The following ITFG1 variants were observed in gnomAD, a reference collection of about 807,000 sequenced individuals.
ITFG1 encodes the protein integrin alpha FG-GAP repeat containing 1.
In ITFG1, 34 loss-of-function variants were observed where a neutral mutation model predicts 81.8. That is an observed-to-expected ratio of 0.42 (90% CI 0.32 to 0.55). The LOEUF is 0.55. Ranked by LOEUF, ITFG1 falls within the 20% of genes least tolerant of loss-of-function variation. ITFG1 has a pLI of 0.17. For missense variants in ITFG1, 672 were observed against 755.4 expected, an observed-to-expected ratio of 0.89 and a Z score of 1.29; for synonymous variants, 285 against 270.6, an observed-to-expected ratio of 1.05 and a Z score of -0.52.
chr16:47,457,514 G>C (rs1276295095), intron 2 of ITFG1, among the ~76,000 whole-genome samples: 1 of 151,956 alleles, frequency 6.6e-6, no homozygotes, highest in Non-Finnish European at 1.5e-5. Context: ...AAGAAAATTA[G>C]TGTAAAATTT....
intron 8 of ITFG1, among the ~76,000 whole-genome samples, chr16:47,350,327 A>G (rs1359900384): frequency 6.6e-6 from 1 of 152,178 alleles, no homozygotes; most frequent in Non-Finnish European, 1.5e-5. Flanking sequence ...CAAGACTAAT[A>G]AAGAAGAAAA....
intron 6 of ITFG1, 91 bp downstream of exon 6, chr16:47,428,713 T>C: frequency 1.2e-6 from 1 of 805,288 alleles, no homozygotes; most frequent in Non-Finnish European, 2.1e-6. Context: ...CAACATTTAC[T>C]TCATTAGCAA....
chr16:47,195,957 A>G (rs759289337), intron 14 of ITFG1, among the ~76,000 whole-genome samples: 33 of 152,002 alleles, frequency 2.2e-4, no homozygotes, highest in Non-Finnish European at 1.5e-4. Context: ...TTATGAGTGT[A>G]TTTCTCCCTC....
chr16:47,333,282 C>T (rs897478845), intron 8 of ITFG1, among the ~76,000 whole-genome samples: 1 of 152,038 alleles, frequency 6.6e-6, no homozygotes, highest in Non-Finnish European at 1.5e-5. Flanking sequence ...ATTAATCACC[C>T]AAGGAAAAAG....
intron 7 of ITFG1, 66 bp from the exon 8 acceptor site, chr16:47,365,935 A>C (rs1314952294): frequency 1.2e-6 from 1 of 856,092 alleles, no homozygotes; most frequent in African/African-American, 1.7e-5. Context: ...TGTAAAACAA[A>C]GCATTCTAAC....
At chr16:47,362,015 A>G (rs879310473) in intron 8 of ITFG1, among the ~76,000 whole-genome samples, 10 of 152,110 alleles carry the variant, frequency 6.6e-5, no homozygotes, top group Non-Finnish European at 1.5e-4. Context: ...GATTAATGTG[A>G]TAACTTTAAA....
intron 10 of ITFG1, among the ~76,000 whole-genome samples, chr16:47,265,203 C>T (rs1167586113): frequency 2.0e-5 from 3 of 149,310 alleles, no homozygotes; most frequent in East Asian, 2.0e-4. Flanking sequence ...ATTTTGTTTA[C>T]GGTACCCTTC....
chr16:47,229,951 A>C (rs1965797554), intron 13 of ITFG1, among the ~76,000 whole-genome samples: 1 of 152,206 alleles, frequency 6.6e-6, no homozygotes, highest in Admixed American at 6.5e-5. Flanking sequence ...CTTTTATTAC[A>C]GTATATTGTT....
chr16:47,277,956 C>T lies in ITFG1; in HGVS notation c.1071-17261G>A, dbSNP rs367790918. On this transcript the variant is annotated intron_variant, in intron 10 of 17. Coordinates refer to ENST00000320640, the MANE Select transcript of ITFG1 (RefSeq NM_030790.5). ...GCCCATAATCAGAACAAATATCTTG[C>T]GCAAACAGATAACCTTTAAAGTATA... Among the ~76,000 whole-genome samples, 12 of 152,154 alleles carry T rather than the reference C, an allele frequency of 7.9e-5. No individual in the cohort carries two copies. In the South Asian group the frequency reaches 1.0e-3, roughly 13 times the overall value.
chr16:47,335,393 A>C (rs1004094961), intron 8 of ITFG1, among the ~76,000 whole-genome samples: 1 of 152,000 alleles, frequency 6.6e-6, no homozygotes, highest in South Asian at 2.1e-4. Flanking sequence ...AAACAAACCC[A>C]AAAGTCCCCC....
intron 10 of ITFG1, among the ~76,000 whole-genome samples, chr16:47,279,534 T>C (rs931961887): frequency 6.6e-6 from 1 of 152,210 alleles, no homozygotes; most frequent in Non-Finnish European, 1.5e-5. Context: ...TTGATTATTG[T>C]AGCTATATAG....
rs144020536 is a variant in ITFG1, at chr16:47,321,068, T to C, written c.803-7245A>G. 3.4e-3 allele frequency among the ~76,000 whole-genome samples: 513 copies of C among 152,342 alleles called. 3 individuals are homozygous for C. The highest frequency in any genetic ancestry group is 0.012 in the African/African-American group (490 of 41,576). ...TGATTTCTGATTACAGAGTAGAACA[T>C]GGCATGACAGCTAACACAGGGAATA... is the stretch of plus-strand genomic sequence containing the variant. On this transcript the variant is annotated intron_variant, in intron 8 of 17. Coordinates refer to ENST00000320640, the MANE Select transcript of ITFG1 (RefSeq NM_030790.5).
intron 14 of ITFG1, among the ~76,000 whole-genome samples, chr16:47,168,043 A>T (rs901624350): frequency 6.6e-6 from 1 of 152,126 alleles, no homozygotes; most frequent in African/African-American, 2.4e-5. Flanking sequence ...TTACATTCCC[A>T]CCAGCAATGT....
At chr16:47,156,294 C>T (rs1307352701) in intron 17 of ITFG1, among the ~76,000 whole-genome samples, 4 of 152,070 alleles carry the variant, frequency 2.6e-5, no homozygotes, top group Non-Finnish European at 5.9e-5. Flanking sequence ...CAAAAATTAG[C>T]TGAGTGTGGT....
At chr16:47,371,448 C>T (rs1567477549) in intron 7 of ITFG1, among the ~76,000 whole-genome samples, 1 of 152,116 alleles carries the variant, frequency 6.6e-6, no homozygotes, top group Non-Finnish European at 1.5e-5. Flanking sequence ...GCAGTTAACC[C>T]ACACCTGTTG....
intron 12 of ITFG1, among the ~76,000 whole-genome samples, chr16:47,244,997 C>G (rs990241419): frequency 1.3e-5 from 2 of 152,070 alleles, no homozygotes; most frequent in African/African-American, 4.8e-5. Context: ...ACTCAGCCTG[C>G]GGTATTTTGT....
chr16:47,452,730 T>C lies in ITFG1; in HGVS notation c.485+3A>G. On this transcript the variant is annotated splice_donor_region_variant and intron_variant, in intron 4 of 17. Coordinates refer to ENST00000320640, the MANE Select transcript of ITFG1 (RefSeq NM_030790.5). The stretch of plus-strand genomic sequence containing the variant: ...GTTTCAAAGGAAGCAAGCCCATACT[T>C]ACTCCATAATTAGTGGCTCATCTTG... The C allele has an allele frequency of 7.6e-6, 12 of 1,579,026 alleles. No homozygotes were observed. Among genetic ancestry groups the C allele is most frequent in the Non-Finnish European group, 1.0e-5 (12 of 1,157,098 alleles).
Position 47,260,631 on chromosome 16 carries a change from G to C in ITFG1, c.1135C>G (p.Arg379Gly). The C allele has an allele frequency of 6.2e-7, 1 of 1,614,064 alleles. No homozygotes were observed. Among genetic ancestry groups the C allele is most frequent in the South Asian group, 1.1e-5 (1 of 91,072 alleles). The change falls in exon 11 of 18, where the codon CGA becomes GGA. Residue 379 changes from arginine to glycine, a missense_variant. By Grantham distance (125) the Arg-to-Gly change is moderately radical. Coordinates refer to ENST00000320640, the MANE Select transcript of ITFG1 (RefSeq NM_030790.5). ...CNNASCEEAR[R>G]MFKVYWELTD... ...AGCTCCCAGTAGACTTTAAACATTC[G>C]ACGCGCCTCTTCACAGCTTGCATTA...
chr16:47,200,376 T>C (rs1307423187), intron 14 of ITFG1, among the ~76,000 whole-genome samples: 1 of 152,200 alleles, frequency 6.6e-6, no homozygotes, highest in Non-Finnish European at 1.5e-5. Flanking sequence ...ATAGTAGGGA[T>C]TAAAAATTAG....
Sources: allele counts gnomAD v4.1 joint callset (sites outside exome capture counted in the v4.1 genomes callset), GRCh38; gene constraint gnomAD v4.1.1; transcripts MANE v1.5; gene names NCBI Gene and HGNC (gene_info 2026-07-23, HGNC 2026-07-21).